TEKT4: variants seen among roughly 807,000 people sequenced by gnomAD.
TEKT4 encodes tektin-4.
A neutral mutation model predicts 46.0 loss-of-function variants in TEKT4; 46 were observed. The observed-to-expected ratio is 1.00, with a 90% CI of 0.79 to 1.28. The LOEUF (loss-of-function observed/expected upper bound fraction) is 1.28. Ranked by LOEUF, TEKT4 falls within the 50% of genes most tolerant of loss-of-function variation. TEKT4 has a pLI of 0.00. For missense variants in TEKT4, 790 were observed against 622.9 expected (o/e 1.27, Z -2.85); for synonymous variants, 325 against 265.8 (o/e 1.22, Z -2.17).
rs541280154 is a variant in TEKT4 at position 94,873,514 on chromosome 2, C to G, written c.499-6C>G. 6.8e-6 allele frequency: 11 copies of G among 1,612,180 alleles called. No homozygotes were observed. The East Asian group carries it at 2.0e-4, about 29-fold the overall frequency. On this transcript the variant is annotated splice_region_variant and splice_polypyrimidine_tract_variant and intron_variant, in intron 1 of 5. Coordinates refer to ENST00000295201, the MANE Select transcript of TEKT4 (RefSeq NM_144705.4). Reference sequence around the variant, plus strand: ...GCTCTGGTGCTCAGGGCGTCTCCTCCCTCAGGAAGCCGAGCTCATCCGGAA... The same window carrying G: ...GCTCTGGTGCTCAGGGCGTCTCCTCGCTCAGGAAGCCGAGCTCATCCGGAA...
In TEKT4 at chr2:94,875,766, G is replaced by C. The variant is rs782241994; in HGVS notation, c.1091+24G>C. 3.7e-6 allele frequency: 6 copies of C among 1,608,862 alleles called. No individual in the cohort carries two copies. In the Admixed American group the frequency reaches 8.4e-5, roughly 22 times the overall value. ...AGGTGCTGCCTGGGCCTCTGAGGCA[G>C]TCCCAGGTGGCCCTGTCCACCTCCT... On this transcript the variant is annotated intron_variant, in intron 5 of 5. Coordinates refer to ENST00000295201, the MANE Select transcript of TEKT4 (RefSeq NM_144705.4).
At chr2:94,872,118 G>A in intron 1 of TEKT4, 41 bp downstream of exon 1, 7 of 1,480,254 alleles carry the variant, frequency 4.7e-6, no homozygotes, top group Non-Finnish European at 6.3e-6. Flanking sequence ...TGGGCGCAGA[G>A]AGGAGGAGCC....
chr2:94,875,803 T>C, intron 5 of TEKT4, 61 bp downstream of exon 5: 1 of 1,551,984 alleles, frequency 6.4e-7, no homozygotes, highest in Non-Finnish European at 8.8e-7. Flanking sequence ...CCTGTGACTC[T>C]CTCCAATAAA....
In TEKT4 at chr2:94,874,112, G is replaced by A; in HGVS notation, c.713+4G>A. 1 of 1,613,178 alleles carries A rather than the reference G, an allele frequency of 6.2e-7. No homozygotes were observed. The highest frequency in any genetic ancestry group is 8.5e-7 in the Non-Finnish European group (1 of 1,179,792). ...ACTCCACCACCTTCCAAGAGAGGTG[G>A]GCCCCAGCTCTGCCCCTGCACTTGC... On this transcript the variant is annotated splice_donor_region_variant and intron_variant, in intron 3 of 5. Coordinates refer to ENST00000295201, the MANE Select transcript of TEKT4 (RefSeq NM_144705.4).
rs1680674118 is a variant in TEKT4, at chr2:94,873,517, C to T, written c.499-3C>T. ...CTGGTGCTCAGGGCGTCTCCTCCCT[C>T]AGGAAGCCGAGCTCATCCGGAACAT... On this transcript the variant is annotated splice_region_variant and splice_polypyrimidine_tract_variant and intron_variant, in intron 1 of 5. Transcript: ENST00000295201. 6.2e-7 allele frequency: 1 copy of T among 1,612,238 alleles called. No individual in the cohort carries two copies. Among genetic ancestry groups the T allele is most frequent in the African/African-American group, 1.3e-5 (1 of 74,994 alleles).
rs146835759 is a variant in TEKT4 at position 94,874,825 on chromosome 2, C to T, written c.763C>T (p.Arg255Cys). Residue 255 changes from arginine (R) to cysteine (C), a missense_variant, in exon 4 of 6, where the codon CGT becomes TGT. Coordinates refer to ENST00000295201, the MANE Select transcript of TEKT4 (RefSeq NM_144705.4). ...CAAGTTCACGCAGGACAATCTGTGC[C>T]GTGCCCAGCGCGAGCGCCTGGCCTC... Reference protein sequence around the residue: ...RAKFTQDNLCRAQRERLASAN... With the variant: ...RAKFTQDNLCCAQRERLASAN... 2,411 of 1,604,284 alleles carry T rather than the reference C, an allele frequency of 1.5e-3. 3 individuals are homozygous for T. Among genetic ancestry groups the T allele is most frequent in the Non-Finnish European group, 1.7e-3 (2,007 of 1,176,678 alleles).
intron 2 of TEKT4, 93 bp downstream of exon 2, chr2:94,873,683 G>A (rs1680685291): frequency 6.6e-7 from 1 of 1,519,648 alleles, no homozygotes; most frequent in Non-Finnish European, 9.0e-7. Flanking sequence ...GAGACTCAGA[G>A]CCAGCAGGGG....
chr2:94,875,780 T>A lies in TEKT4; in HGVS notation c.1091+38T>A, dbSNP rs113132487. The A allele has an allele frequency of 7.5e-6, 12 of 1,595,550 alleles. No individual in the cohort carries two copies. The South Asian group carries it at 1.3e-4, about 18-fold the overall frequency. On this transcript the variant is annotated intron_variant, in intron 5 of 5. Coordinates refer to ENST00000295201, the MANE Select transcript of TEKT4 (RefSeq NM_144705.4). ...CCTCTGAGGCAGTCCCAGGTGGCCCTGTCCACCTCCTCCCTGTGACTCTCT... is the reference window on the plus strand; with the variant it reads ...CCTCTGAGGCAGTCCCAGGTGGCCCAGTCCACCTCCTCCCTGTGACTCTCT...
intron 3 of TEKT4, among the ~76,000 whole-genome samples, chr2:94,874,522 G>A (rs533680462): frequency 1.4e-3 from 215 of 151,788 alleles, no homozygotes; most frequent in African/African-American, 5.0e-3. Context: ...GCTGGGAACG[G>A]GGTCGCGGGG....
intron 2 of TEKT4, 128 bp downstream of exon 2, chr2:94,873,718 A>G (rs1244698029): frequency 2.2e-6 from 3 of 1,361,344 alleles, no homozygotes; most frequent in Admixed American, 2.2e-5. Flanking sequence ...AGTGGAGCGC[A>G]GGACTGGGTG....
At position 94,873,533 on chromosome 2, in the gene TEKT4, T is replaced by C; in HGVS notation, c.512T>C (p.Ile171Thr). The C allele has an allele frequency of 6.2e-7, 1 of 1,612,372 alleles. No homozygotes were observed. The highest frequency in any genetic ancestry group is 8.5e-7 in the Non-Finnish European group (1 of 1,180,004). Residue 171 changes from isoleucine to threonine, a missense_variant, in exon 2 of 6, where the codon ATC becomes ACC. Coordinates refer to ENST00000295201, the MANE Select transcript of TEKT4 (RefSeq NM_144705.4). ...ETELLKEAEL[I>T]RNIQELLKRT... ...CTCCTCCCTCAGGAAGCCGAGCTCA[T>C]CCGGAACATTCAGGAGCTGCTGAAG... is the stretch of plus-strand genomic sequence containing the variant.
At chr2:94,874,526 C>A (rs113831856) in intron 3 of TEKT4, among the ~76,000 whole-genome samples, 1 of 110,896 alleles carries the variant, frequency 9.0e-6, no homozygotes, top group African/African-American at 3.5e-5. Flanking sequence ...GGAACGGGGT[C>A]GCGGGGGCAC....
chr2:94,875,490 G>C, intron 4 of TEKT4, 98 bp from the exon 5 acceptor site: 1 of 1,566,558 alleles, frequency 6.4e-7, no homozygotes, highest in Non-Finnish European at 8.7e-7. Context: ...CTGCCCTCTG[G>C]ACACAGCCCC....
At position 94,871,838 on chromosome 2, in the gene TEKT4, T is replaced by A; in HGVS notation, c.259T>A (p.Ser87Thr). The change falls in exon 1 of 6, where the codon TCC (serine) becomes ACC (threonine). Residue 87 changes from serine (S) to threonine (T), a missense_variant. Transcript: ENST00000295201. ...QALAQRTQQD[S>T]TRTVGERLQD... is the part of the protein sequence containing the mutation. ...GCTGGCGCAGCGCACGCAGCAAGAC[T>A]CCACGCGCACAGTGGGCGAGCGACT... 1 of 1,607,286 alleles carries A rather than the reference T, an allele frequency of 6.2e-7. No homozygotes were observed. The highest frequency in any genetic ancestry group is 8.5e-7 in the Non-Finnish European group (1 of 1,177,988).
intron 1 of TEKT4, chr2:94,872,372 G>A: frequency 3.8e-6 from 2 of 524,534 alleles, no homozygotes; most frequent in Middle Eastern, 5.2e-4. Context: ...CACCTCCCCA[G>A]AGACCCTCCC....
rs112978773 is a variant in TEKT4, at chr2:94,871,912, G to A, written c.333G>A (p.Ala111=). 27 of 1,597,184 alleles carry A rather than the reference G, an allele frequency of 1.7e-5. No homozygotes were observed. The highest frequency in any genetic ancestry group is 1.1e-4 in the East Asian group (5 of 44,546). The change falls in exon 1 of 6, where the codon GCG becomes GCA. Residue 111 remains alanine (A), a synonymous_variant. Coordinates refer to ENST00000295201, the MANE Select transcript of TEKT4 (RefSeq NM_144705.4). The part of the protein sequence containing the change: ...WKSELQREME[A]LAAETNLLLA... Reference sequence around the variant, plus strand: ...CGGAGCTGCAGCGTGAGATGGAGGCGCTGGCTGCGGAGACCAACTTGCTCC... The same window carrying A: ...CGGAGCTGCAGCGTGAGATGGAGGCACTGGCTGCGGAGACCAACTTGCTCC...
intron 3 of TEKT4, 107 bp downstream of exon 3, chr2:94,874,215 C>G: frequency 8.0e-7 from 1 of 1,252,726 alleles, no homozygotes; most frequent in Non-Finnish European, 1.1e-6. Flanking sequence ...GAGGCCCTCG[C>G]CCCCGAGGGC....
At chr2:94,872,198 C>T (rs1383371758) in intron 1 of TEKT4, 121 bp downstream of exon 1, 19 of 1,306,668 alleles carry the variant, frequency 1.5e-5, no homozygotes, top group South Asian at 4.6e-5. Flanking sequence ...GCCCTCTGCA[C>T]GTGAGACCCC....
At position 94,874,052 on chromosome 2, in the gene TEKT4, C is replaced by T. The variant is rs1680707500; in HGVS notation, c.657C>T (p.His219=). The part of the protein sequence containing the change: ...AYNIDETCGR[H]HSQSTEVQAH... ...ACATCGACGAGACCTGCGGGCGCCA[C>T]CACAGCCAGAGCACCGAGGTGCAGG... is the stretch of plus-strand genomic sequence containing the variant. Residue 219 remains histidine (H), a synonymous_variant, in exon 3 of 6, where the codon CAC becomes CAT. Transcript: ENST00000295201. The T allele has an allele frequency of 7.4e-6, 12 of 1,613,768 alleles. No individual in the cohort carries two copies. The highest frequency in any genetic ancestry group is 4.0e-5 in the African/African-American group (3 of 75,064).
Sources: allele counts gnomAD v4.1 joint callset (sites outside exome capture counted in the v4.1 genomes callset), GRCh38; gene constraint gnomAD v4.1.1; transcripts MANE v1.5; gene names NCBI Gene and HGNC (gene_info 2026-07-23, HGNC 2026-07-21).